Variants in ZCCHC7 observed in about 807,000 individuals in gnomAD.
The protein encoded by ZCCHC7 is zinc finger CCHC domain-containing protein 7.
A neutral mutation model predicts 52.0 loss-of-function variants in ZCCHC7; 35 were observed. That is an observed-to-expected ratio of 0.67 (90% confidence interval 0.51 to 0.89). The LOEUF (loss-of-function observed/expected upper bound fraction) is 0.89. ZCCHC7 is among the 40% of genes least tolerant of loss of function. ZCCHC7 has a pLI of 0.00. For missense variants in ZCCHC7, 574 were observed against 649.1 expected (o/e 0.88, Z 1.26); for synonymous variants, 217 against 221.5 (o/e 0.98, Z 0.18).
In ZCCHC7 at chr9:37,302,090, G is replaced by A. The variant is rs565534826; in HGVS notation, c.611-98G>A. On this transcript the variant is annotated intron_variant, in intron 2 of 8. Coordinates refer to ENST00000336755, the MANE Select transcript of ZCCHC7 (RefSeq NM_032226.3). ...ATTCAACATTTCTCAGTGTACCTTT[G>A]GGGTCCAATTTGAGTACTCATAAAT... The A allele has an allele frequency of 7.5e-4, 715 of 947,372 alleles. 1 individual carries two copies. Among genetic ancestry groups the A allele is most frequent in the South Asian group, 1.1e-3 (77 of 69,104 alleles). The allele number at this position is 947,372 out of a possible 1,614,324, so 58.7% of individuals were successfully genotyped here.
chr9:37,306,861 C>T (rs1298624713), intron 5 of ZCCHC7, among the ~76,000 whole-genome samples: 9 of 130,516 alleles, frequency 6.9e-5, no homozygotes, highest in Admixed American at 5.1e-4. Flanking sequence ...GATCTTGGCT[C>T]ACTGCAACCT....
At position 37,225,234 on chromosome 9, in the gene ZCCHC7, A is replaced by G. The variant is rs767514507; in HGVS notation, c.611-76954A>G. Among the ~76,000 whole-genome samples the G allele has an allele frequency of 1.2e-4, 18 of 152,298 alleles. No homozygotes were observed. In the South Asian group the frequency reaches 1.4e-3, roughly 12 times the overall value. Reference sequence around the variant, plus strand: ...TTCAATAACTTAGATGAAATGGACAAATTCCTTGAAAGTTAAAATTAAGAA... The same window carrying G: ...TTCAATAACTTAGATGAAATGGACAGATTCCTTGAAAGTTAAAATTAAGAA... On this transcript the variant is annotated intron_variant, in intron 2 of 8. Transcript: ENST00000336755.
chr9:37,271,931 A>G (rs1047845130), intron 2 of ZCCHC7, among the ~76,000 whole-genome samples: 33 of 152,226 alleles, frequency 2.2e-4, no homozygotes, highest in African/African-American at 7.7e-4. Flanking sequence ...TTGCTTAACA[A>G]TAGTTCAGTA....
At chr9:37,143,679 A>G (rs1843323123) in intron 2 of ZCCHC7, among the ~76,000 whole-genome samples, 1 of 151,724 alleles carries the variant, frequency 6.6e-6, no homozygotes, top group Non-Finnish European at 1.5e-5. Flanking sequence ...CTAAGAGATT[A>G]CTTCAAATTT....
At chr9:37,250,265 A>G (rs1205336939) in intron 2 of ZCCHC7, among the ~76,000 whole-genome samples, 4 of 147,958 alleles carry the variant, frequency 2.7e-5, no homozygotes, top group Non-Finnish European at 4.5e-5. Flanking sequence ...AGAAAGTCTC[A>G]TGTGTACTAG....
intron 2 of ZCCHC7, among the ~76,000 whole-genome samples, chr9:37,151,066 G>A (rs1214241520): frequency 7.3e-5 from 11 of 150,512 alleles, no homozygotes; most frequent in African/African-American, 2.2e-4. Context: ...CCGGGTTTAC[G>A]CCATTCTCCT....
intron 2 of ZCCHC7, among the ~76,000 whole-genome samples, chr9:37,253,593 C>G (rs1826434494): frequency 6.6e-6 from 1 of 151,856 alleles, no homozygotes; most frequent in Non-Finnish European, 1.5e-5. Flanking sequence ...GACCACGTGA[C>G]ACACACAGTG....
Position 37,357,759 on chromosome 9 carries a change from TCTTC to T in ZCCHC7, c.*495_*498del, listed in dbSNP as rs1588720231. The T allele has an allele frequency of 6.6e-6, 1 of 151,950 alleles. No homozygotes were observed. Among genetic ancestry groups the T allele is most frequent in the East Asian group, 1.9e-4 (1 of 5,168 alleles). 9.4% of individuals were successfully genotyped at this position (151,950 alleles called of 1,614,324 possible). On this transcript the variant is annotated 3_prime_UTR_variant, in exon 9 of 9. Transcript: ENST00000336755. Reference sequence around the variant, plus strand: ...CTTTCTGCTGAAGCTGTTGTCAGAATCTTCCTTTGGACAAAACATCACTAGCTGA... The same window carrying T: ...CTTTCTGCTGAAGCTGTTGTCAGAATCTTTGGACAAAACATCACTAGCTGA...
Position 37,262,446 on chromosome 9 carries a change from A to T in ZCCHC7, c.611-39742A>T, listed in dbSNP as rs186740557. Among the ~76,000 whole-genome samples the T allele has an allele frequency of 8.5e-5, 13 of 152,324 alleles. No homozygotes were observed. The East Asian group carries it at 2.5e-3, about 29-fold the overall frequency. ...TACTAGTTACTTGTTGCAATAACTTATACTATTATACTTCATGTGTGGTTT... is the reference window on the plus strand; with the variant it reads ...TACTAGTTACTTGTTGCAATAACTTTTACTATTATACTTCATGTGTGGTTT... On this transcript the variant is annotated intron_variant, in intron 2 of 8. Transcript: ENST00000336755.
chr9:37,246,909 A>T (rs1826102384), intron 2 of ZCCHC7, among the ~76,000 whole-genome samples: 1 of 152,120 alleles, frequency 6.6e-6, no homozygotes, highest in South Asian at 2.1e-4. Flanking sequence ...TACCATATGT[A>T]TTACCTCACA....
intron 2 of ZCCHC7, among the ~76,000 whole-genome samples, chr9:37,301,335 A>G (rs1829021812): frequency 6.6e-6 from 1 of 152,176 alleles, no homozygotes; most frequent in African/African-American, 2.4e-5. Context: ...GCTGTGGCAC[A>G]CCACAGATGC....
chr9:37,272,520 A>G (rs1020776107), intron 2 of ZCCHC7, among the ~76,000 whole-genome samples: 1 of 151,180 alleles, frequency 6.6e-6, no homozygotes, highest in Non-Finnish European at 1.5e-5. Context: ...AAAAAGAAAG[A>G]AAGGACCTGG....
chr9:37,185,058 T>A (rs1822576970), intron 2 of ZCCHC7, among the ~76,000 whole-genome samples: 1 of 152,102 alleles, frequency 6.6e-6, no homozygotes, highest in Admixed American at 6.6e-5. Context: ...TTCCTTAACA[T>A]GTTGTCCCCT....
intron 2 of ZCCHC7, among the ~76,000 whole-genome samples, chr9:37,193,420 A>G (rs1208288294): frequency 1.3e-5 from 2 of 152,212 alleles, no homozygotes; most frequent in African/African-American, 4.8e-5. Context: ...TTTGACATCT[A>G]GCAGGCCAAA....
chr9:37,160,101 C>T (rs992360769), intron 2 of ZCCHC7: 7 of 152,200 alleles, frequency 4.6e-5, no homozygotes, highest in Admixed American at 1.3e-4. Context: ...CCTGTTGGAA[C>T]CTGTGGAAAT....
intron 2 of ZCCHC7, among the ~76,000 whole-genome samples, chr9:37,288,017 G>T (rs962165977): frequency 2.0e-5 from 3 of 151,996 alleles, no homozygotes; most frequent in South Asian, 2.1e-4. Flanking sequence ...AGTGGCTCAT[G>T]CCTGTAATCC....
intron 2 of ZCCHC7, among the ~76,000 whole-genome samples, chr9:37,171,339 T>G (rs931009864): frequency 2.0e-5 from 3 of 152,242 alleles, no homozygotes; most frequent in Non-Finnish European, 4.4e-5. Context: ...AGTTGTTAGC[T>G]TGTTTGTGAG....
At chr9:37,124,726 A>T (rs1202186455) in intron 1 of ZCCHC7, among the ~76,000 whole-genome samples, 1 of 152,250 alleles carries the variant, frequency 6.6e-6, no homozygotes, top group Non-Finnish European at 1.5e-5. Context: ...TAATATGCTC[A>T]CAGTAGAAAG....
At chr9:37,350,395 G>C (rs1408331689) in intron 7 of ZCCHC7, among the ~76,000 whole-genome samples, 1 of 152,214 alleles carries the variant, frequency 6.6e-6, no homozygotes, top group East Asian at 1.9e-4. Flanking sequence ...GCCTCCAAAA[G>C]TGTTGGGGTT....
Sources: allele counts gnomAD v4.1 joint callset (sites outside exome capture counted in the v4.1 genomes callset), GRCh38; gene constraint gnomAD v4.1.1; transcripts MANE v1.5; gene names NCBI Gene and HGNC (gene_info 2026-07-23, HGNC 2026-07-21).